The following GAL3ST3 variants were observed in gnomAD, a reference collection of about 807,000 sequenced individuals.
The protein encoded by GAL3ST3 is beta-galactose-3-O-sulfotransferase 3.
In GAL3ST3, 21 loss-of-function variants were observed where a neutral mutation model predicts 20.8. That is an observed-to-expected ratio of 1.01 (90% CI 0.72 to 1.45). The LOEUF is 1.45. Ranked by LOEUF, GAL3ST3 falls within the 40% of genes most tolerant of loss-of-function variation. The pLI, the probability that GAL3ST3 is intolerant of heterozygous loss-of-function variation, is 0.00. For synonymous variants in GAL3ST3, 355 were observed against 307.2 expected (o/e 1.16, Z -1.63); for missense variants, 739 against 662.7 (o/e 1.12, Z -1.26).
rs1565080404 is a variant in GAL3ST3, at chr11:66,043,139, C to G, written c.664G>C (p.Ala222Pro). 2 of 1,610,240 alleles carry G rather than the reference C, an allele frequency of 1.2e-6. No homozygotes were observed. The highest frequency in any genetic ancestry group is 1.7e-5 in the Admixed American group (1 of 59,890). ...TGGCGGATGAGGCCCGCCAGGTAGG[C>G]GGCGTCGTCGCGCGGGCTGCGCTCA... ...DNERSPRDDA[A>P]YLAGLIRQVE... Residue 222 changes from alanine (A) to proline (P), a missense_variant, in exon 3 of 3, where the codon GCC becomes CCC. Physicochemically the swap from Ala to Pro is conservative, Grantham distance 27. Transcript: ENST00000312006.
rs367786739 is a variant in GAL3ST3 at position 66,043,402 on chromosome 11, C to A, written c.401G>T (p.Arg134Leu). 1.2e-6 allele frequency: 2 copies of A among 1,609,818 alleles called. No homozygotes were observed. Among genetic ancestry groups the A allele is most frequent in the East Asian group, 2.2e-5 (1 of 44,730 alleles). Residue 134 changes from arginine (R) to leucine (L), a missense_variant, in exon 3 of 3, where the codon CGT (arginine) becomes CTT (leucine). Arg to Leu is a moderately radical substitution (Grantham distance 102, BLOSUM62 -2). Transcript: ENST00000312006. The part of the protein sequence containing the change: ...HVLASHLRFD[R>L]AELERLMPPS... ...CGGCATGAGGCGCTCCAGCTCCGCA[C>A]GGTCGAAGCGCAGGTGGCTGGCCAG...
intron 2 of GAL3ST3, among the ~76,000 whole-genome samples, chr11:66,044,103 G>A (rs1324499977): frequency 1.3e-5 from 2 of 152,192 alleles, no homozygotes. Flanking sequence ...AAGCCCACAA[G>A]GACCTAAGGC....
Position 66,041,701 on chromosome 11 carries a change from G to A in GAL3ST3, c.*806C>T, listed in dbSNP as rs1216406897. Reference sequence around the variant, plus strand: ...TTCACCTGTATCCCCAAGTTACAGAGATGATGCTCAGTAAATGTCGCAGAA... The same window carrying A: ...TTCACCTGTATCCCCAAGTTACAGAAATGATGCTCAGTAAATGTCGCAGAA... On this transcript the variant is annotated 3_prime_UTR_variant, in exon 3 of 3. Coordinates refer to ENST00000312006, the MANE Select transcript of GAL3ST3 (RefSeq NM_033036.3). 1.3e-5 allele frequency among the ~76,000 whole-genome samples: 2 copies of A among 152,250 alleles called. No homozygotes were observed. The highest frequency in any genetic ancestry group is 2.9e-5 in the Non-Finnish European group (2 of 68,052).
intron 1 of GAL3ST3, among the ~76,000 whole-genome samples, chr11:66,048,170 A>G (rs1011906194): frequency 3.9e-5 from 6 of 152,148 alleles, no homozygotes; most frequent in African/African-American, 1.4e-4. Context: ...TCTTCTCCAT[A>G]GAGAGAGTTC....
chr11:66,045,679 T>G, intron 1 of GAL3ST3, 152 bp from the exon 2 acceptor site: 1 of 319,808 alleles, frequency 3.1e-6, no homozygotes, highest in Non-Finnish European at 5.7e-6. Flanking sequence ...CCCTATCTCC[T>G]CACTGCTCCA....
chr11:66,045,308 C>T lies in GAL3ST3; in HGVS notation c.108G>A (p.Gln36=), dbSNP rs536789617. ...GCSTVSLLIH[Q]GAQLSWYPKL... ...CCCCTTACCAGCTGAGCTGCGCCCC[C>T]TGGTGGATGAGAAGGCTTACGGTGC... Residue 36 remains glutamine, a synonymous_variant, in exon 2 of 3, where the codon CAG becomes CAA. Transcript: ENST00000312006. 1.9e-6 allele frequency: 3 copies of T among 1,585,772 alleles called. No individual in the cohort carries two copies. Among genetic ancestry groups the T allele is most frequent in the African/African-American group, 2.7e-5 (2 of 73,766 alleles).
chr11:66,043,088 T>C lies in GAL3ST3; in HGVS notation c.715A>G (p.Met239Val). The C allele has an allele frequency of 6.2e-7, 1 of 1,611,948 alleles. No individual in the cohort carries two copies. The highest frequency in any genetic ancestry group is 8.5e-7 in the Non-Finnish European group (1 of 1,179,394). Residue 239 changes from methionine to valine, a missense_variant, in exon 3 of 3, where the codon ATG (methionine) becomes GTG (valine). Coordinates refer to ENST00000312006, the MANE Select transcript of GAL3ST3 (RefSeq NM_033036.3). ...GACTCGTCGAAGTACTCGGCGATCA[T>C]GACGAGCGAGAAAACCTCCTCCACC... Reference protein sequence around the residue: ...RQVEEVFSLVMIAEYFDESLV... With the variant: ...RQVEEVFSLVVIAEYFDESLV...
In GAL3ST3 at chr11:66,045,329, G is replaced by T; in HGVS notation, c.87C>A (p.Thr29=). Reference sequence around the variant, plus strand: ...CCCCCTGGTGGATGAGAAGGCTTACGGTGCTGCACCCTAGCACCAGCAGCA... The same window carrying T: ...CCCCCTGGTGGATGAGAAGGCTTACTGTGCTGCACCCTAGCACCAGCAGCA... ...KILLLVLGCS[T]VSLLIHQGAQ... is the part of the protein sequence containing the mutation. The change falls in exon 2 of 3, where the codon ACC becomes ACA. Residue 29 remains threonine (T), a synonymous_variant. Coordinates refer to ENST00000312006, the MANE Select transcript of GAL3ST3 (RefSeq NM_033036.3). 1 of 1,601,032 alleles carries T rather than the reference G, an allele frequency of 6.2e-7. No individual in the cohort carries two copies. The highest frequency in any genetic ancestry group is 8.5e-7 in the Non-Finnish European group (1 of 1,173,202).
chr11:66,044,374 G>C (rs995964257), intron 2 of GAL3ST3, among the ~76,000 whole-genome samples: 12 of 152,342 alleles, frequency 7.9e-5, no homozygotes, highest in African/African-American at 2.9e-4. Flanking sequence ...AAGGGACAAA[G>C]ACCCCTGGAG....
chr11:66,044,147 C>G (rs1312387114), intron 2 of GAL3ST3, among the ~76,000 whole-genome samples: 1 of 152,158 alleles, frequency 6.6e-6, no homozygotes, highest in East Asian at 1.9e-4. Context: ...AGACCTGAAG[C>G]CTGTCAAAAC....
intron 1 of GAL3ST3, among the ~76,000 whole-genome samples, chr11:66,048,152 G>C (rs1478840384): frequency 6.6e-6 from 1 of 152,170 alleles, no homozygotes; most frequent in Non-Finnish European, 1.5e-5. Flanking sequence ...TCCCCATTGT[G>C]CCTGGTGTCT....
Position 66,042,874 on chromosome 11 carries a change from G to A in GAL3ST3, c.929C>T (p.Ala310Val). ...HFNATFWRHV[A>V]RAGRACVERE... ...CTCCACGCACGCGCGGCCCGCGCGCGCCACGTGGCGCCAGAAGGTGGCGTT... is the reference window on the plus strand; with the variant it reads ...CTCCACGCACGCGCGGCCCGCGCGCACCACGTGGCGCCAGAAGGTGGCGTT... Residue 310 changes from alanine to valine, a missense_variant, in exon 3 of 3, where the codon GCG (alanine) becomes GTG (valine). By Grantham distance (64) the Ala-to-Val change is moderately conservative. Transcript: ENST00000312006. 2 of 1,171,544 alleles carry A rather than the reference G, an allele frequency of 1.7e-6. No individual in the cohort carries two copies. Among genetic ancestry groups the A allele is most frequent in the Non-Finnish European group, 2.1e-6 (2 of 942,756 alleles). 72.6% of individuals were successfully genotyped at this position (1,171,544 alleles called of 1,614,324 possible).
chr11:66,043,673 G>T lies in GAL3ST3; in HGVS notation c.130C>A (p.Pro44Thr), dbSNP rs749793314. ...IHQGAQLSWY[P>T]KLFPLSCPPL... ...GGGCAGCTCAAGGGGAACAGCTTGG[G>T]GTACCTGCCAGGCCCAGGGAGTGTG... The change falls in exon 3 of 3, where the codon CCC becomes ACC. Residue 44 changes from proline to threonine, a missense_variant. Physicochemically the swap from Pro to Thr is conservative, Grantham distance 38. Coordinates refer to ENST00000312006, the MANE Select transcript of GAL3ST3 (RefSeq NM_033036.3). 7.5e-6 allele frequency: 12 copies of T among 1,601,056 alleles called. No homozygotes were observed. The highest frequency in any genetic ancestry group is 1.0e-5 in the Non-Finnish European group (12 of 1,171,872).
chr11:66,045,563 G>T, intron 1 of GAL3ST3, 36 bp from the exon 2 acceptor site: 1 of 786,306 alleles, frequency 1.3e-6, no homozygotes, highest in Non-Finnish European at 1.9e-6. Flanking sequence ...GCAGTGGGCA[G>T]AGGAGATGGG....
chr11:66,048,876 G>A (rs1486975491), intron 1 of GAL3ST3, 135 bp downstream of exon 1: 1 of 152,180 alleles, frequency 6.6e-6, no homozygotes, highest in East Asian at 1.9e-4. Flanking sequence ...CCACTTTCCA[G>A]GGGTAGAGCG....
rs1856724554 is a variant in GAL3ST3, at chr11:66,042,824, C to CCTCGCGCAG, written c.970_978dup (p.Leu324_Glu326dup). 2 of 1,383,866 alleles carry CCTCGCGCAG rather than the reference C, an allele frequency of 1.4e-6. No individual in the cohort carries two copies. Among genetic ancestry groups the CCTCGCGCAG allele is most frequent in the Non-Finnish European group, 9.3e-7 (1 of 1,079,208 alleles). The allele number at this position is 1,383,866 out of a possible 1,614,324, so 85.7% of individuals were successfully genotyped here. ...CAGCGCCGCAGTAGGCGCTGGCGGG[C>CCTCGCGCAG]CTCGCGCAGCTCGCGCGCCTCGCGC... is the stretch of plus-strand genomic sequence containing the variant. On this transcript the variant is annotated inframe_insertion, in exon 3 of 3. Transcript: ENST00000312006.
At chr11:66,047,574 C>T (rs528539030) in intron 1 of GAL3ST3, among the ~76,000 whole-genome samples, 6 of 152,318 alleles carry the variant, frequency 3.9e-5, no homozygotes, top group South Asian at 4.1e-4. Context: ...ACAGGGCATC[C>T]TCAGTGCAGG....
At position 66,043,339 on chromosome 11, in the gene GAL3ST3, G is replaced by A. The variant is rs868663789; in HGVS notation, c.464C>T (p.Ala155Val). 1 of 1,610,136 alleles carries A rather than the reference G, an allele frequency of 6.2e-7. No homozygotes were observed. The highest frequency in any genetic ancestry group is 1.7e-5 in the Admixed American group (1 of 59,660). Residue 155 changes from alanine to valine, a missense_variant, in exon 3 of 3, where the codon GCC becomes GTC. Ala to Val is a moderately conservative substitution (Grantham distance 64, BLOSUM62 0). Transcript: ENST00000312006. Reference protein sequence around the residue: ...TVYVTILREPAAMFESLFSYY... With the variant: ...TVYVTILREPVAMFESLFSYY... ...GCTGAAGAGCGACTCGAACATGGCG[G>A]CCGGCTCGCGCAGGATGGTGACATA...
chr11:66,045,720 T>A, intron 1 of GAL3ST3, 193 bp from the exon 2 acceptor site: 1 of 246,116 alleles, frequency 4.1e-6, no homozygotes, highest in South Asian at 1.3e-4. Flanking sequence ...AATTACAGGG[T>A]CTGGGGTGTA....
Sources: allele counts gnomAD v4.1 joint callset (sites outside exome capture counted in the v4.1 genomes callset), GRCh38; gene constraint gnomAD v4.1.1; transcripts MANE v1.5; gene names NCBI Gene and HGNC (gene_info 2026-07-23, HGNC 2026-07-21).